SGCZ: variants seen among roughly 807,000 people sequenced by gnomAD.
The protein encoded by SGCZ is sarcoglycan zeta.
Under a neutral mutation model 41.3 loss-of-function variants are expected in SGCZ, and 40 were observed. The ratio of observed to expected loss-of-function variants is 0.97; its 90% CI spans 0.75 to 1.26. The LOEUF (loss-of-function observed/expected upper bound fraction) is 1.26. Among genes scored for constraint, SGCZ ranks in the 50% most tolerant of loss-of-function variants. The pLI, the probability that SGCZ is intolerant of heterozygous loss-of-function variation, is 0.00. For missense variants in SGCZ, 552 were observed against 369.8 expected (o/e 1.49, Z -4.04); for synonymous variants, 206 against 137.5 (o/e 1.50, Z -3.49).
intron 5 of SGCZ, among the ~76,000 whole-genome samples, chr8:14,109,976 A>T (rs1802324564): frequency 6.6e-6 from 1 of 152,084 alleles, no homozygotes; most frequent in South Asian, 2.1e-4. Flanking sequence ...GTCGCTCCTG[A>T]GACTCTGTAG....
intron 7 of SGCZ, among the ~76,000 whole-genome samples, chr8:14,102,076 TTATATATATATA>T (rs55667194): frequency 7.5e-5 from 9 of 119,918 alleles, no homozygotes; most frequent in African/African-American, 2.8e-4. Context: ...TTGGCTAACT[TTATATATATATA>T]TATATATATA....
At chr8:14,632,975 T>TTATA (rs538672185) in intron 1 of SGCZ, among the ~76,000 whole-genome samples, 7 of 151,524 alleles carry the variant, frequency 4.6e-5, no homozygotes, top group African/African-American at 1.7e-4. Flanking sequence ...AATAAGTGAA[T>TTATA]TATATATATA....
intron 1 of SGCZ, among the ~76,000 whole-genome samples, chr8:14,789,273 T>G (rs1419361940): frequency 6.6e-6 from 1 of 152,190 alleles, no homozygotes; most frequent in Admixed American, 6.5e-5. Flanking sequence ...GTTTACAGTA[T>G]GTAAACTGAA....
chr8:14,112,270 G>GTTTT (rs369599896), intron 5 of SGCZ, among the ~76,000 whole-genome samples: 1 of 125,654 alleles, frequency 8.0e-6, no homozygotes, highest in African/African-American at 3.1e-5. Flanking sequence ...AATTTTTTGA[G>GTTTT]TTTTTTTTTT....
chr8:15,150,941 T>C (rs557552996), intron 1 of SGCZ, among the ~76,000 whole-genome samples: 2 of 152,336 alleles, frequency 1.3e-5, no homozygotes, highest in Non-Finnish European at 1.5e-5. Context: ...TCTCCTCTAG[T>C]GTGGACTTGA....
intron 1 of SGCZ, among the ~76,000 whole-genome samples, chr8:14,627,322 T>G (rs1288021658): frequency 6.6e-6 from 1 of 152,158 alleles, no homozygotes; most frequent in Non-Finnish European, 1.5e-5. Flanking sequence ...ATATGAAATT[T>G]GCCTTCAATT....
At chr8:14,726,457 T>G (rs930906448) in intron 1 of SGCZ, among the ~76,000 whole-genome samples, 2 of 151,020 alleles carry the variant, frequency 1.3e-5, no homozygotes, top group African/African-American at 2.4e-5. Context: ...TGTAAGTCAT[T>G]TAACAAAAGC....
intron 1 of SGCZ, among the ~76,000 whole-genome samples, chr8:14,773,870 C>T (rs1463511910): frequency 2.0e-5 from 3 of 152,172 alleles, no homozygotes; most frequent in Non-Finnish European, 4.4e-5. Context: ...AGACCTATGA[C>T]TGGAGAACAG....
At chr8:14,286,354 A>G (rs756165545) in intron 3 of SGCZ, among the ~76,000 whole-genome samples, 4 of 152,118 alleles carry the variant, frequency 2.6e-5, no homozygotes, top group African/African-American at 7.2e-5. Context: ...CAAACTCACC[A>G]TTCATTCTCT....
At chr8:14,308,652 A>C (rs1801423505) in intron 3 of SGCZ, among the ~76,000 whole-genome samples, 1 of 152,098 alleles carries the variant, frequency 6.6e-6, no homozygotes, top group Non-Finnish European at 1.5e-5. Context: ...GACAATAAAA[A>C]TATTCTAATT....
intron 1 of SGCZ, among the ~76,000 whole-genome samples, chr8:15,016,455 G>A (rs1480092158): frequency 6.6e-6 from 1 of 152,148 alleles, no homozygotes; most frequent in Non-Finnish European, 1.5e-5. Context: ...TAATCTCTTG[G>A]CAGGATCCCA....
chr8:14,371,413 G>T (rs115523247), intron 2 of SGCZ, among the ~76,000 whole-genome samples: 17 of 152,024 alleles, frequency 1.1e-4, no homozygotes, highest in African/African-American at 3.9e-4. Flanking sequence ...AACCTTTGCT[G>T]TAACAATGAC....
At chr8:14,973,258 G>A (rs189741402) in intron 1 of SGCZ, among the ~76,000 whole-genome samples, 3 of 152,266 alleles carry the variant, frequency 2.0e-5, no homozygotes, top group South Asian at 4.1e-4. Context: ...CATCGAGGAA[G>A]ATAGTACCCC....
intron 1 of SGCZ, among the ~76,000 whole-genome samples, chr8:14,960,365 T>C (rs1277589380): frequency 6.6e-6 from 1 of 152,070 alleles, no homozygotes; most frequent in Non-Finnish European, 1.5e-5. Context: ...TGATTTTTTT[T>C]TTATGGGTTT....
intron 5 of SGCZ, among the ~76,000 whole-genome samples, chr8:14,152,955 A>T (rs375007843): frequency 2.0e-5 from 3 of 152,218 alleles, no homozygotes; most frequent in East Asian, 3.9e-4. Context: ...GATTCTGAAT[A>T]TAACATTCTT....
chr8:14,977,854 T>TG (rs1801530478), intron 1 of SGCZ, among the ~76,000 whole-genome samples: 1 of 151,398 alleles, frequency 6.6e-6, no homozygotes, highest in African/African-American at 2.4e-5. Context: ...GAACTAGTTA[T>TG]CAGGCTTTAA....
intron 1 of SGCZ, among the ~76,000 whole-genome samples, chr8:14,728,369 A>G (rs972728728): frequency 7.1e-6 from 1 of 141,712 alleles, no homozygotes; most frequent in Non-Finnish European, 1.5e-5. Context: ...TAGAACCAAA[A>G]GAGTGGAAAG....
chr8:14,566,536 C>T (rs1167062371), intron 1 of SGCZ, among the ~76,000 whole-genome samples: 1 of 152,242 alleles, frequency 6.6e-6, no homozygotes, highest in Non-Finnish European at 1.5e-5. Context: ...TTACTTACAA[C>T]TGAGGTACAC....
At chr8:14,187,948 A>T (rs1396686865) in intron 4 of SGCZ, among the ~76,000 whole-genome samples, 1 of 152,170 alleles carries the variant, frequency 6.6e-6, no homozygotes, top group African/African-American at 2.4e-5. Context: ...GCAAGAGAAA[A>T]ATGACTCATT....
Sources: gnomAD v4.1 joint callset for allele counts (sites outside exome capture counted in the v4.1 genomes callset) on GRCh38, gnomAD v4.1.1 for gene constraint, MANE v1.5 for transcripts, NCBI Gene and HGNC (gene_info 2026-07-23, HGNC 2026-07-21) for gene names.